The following NOMO1 variants were observed in gnomAD, a reference collection of about 807,000 sequenced individuals.
The protein encoded by NOMO1 is NODAL modulator 1.
In NOMO1, 40 loss-of-function variants were observed where a neutral mutation model predicts 133.8. That is an observed-to-expected ratio of 0.30 (90% CI 0.23 to 0.39). The LOEUF (loss-of-function observed/expected upper bound fraction) is 0.39. NOMO1 is among the 10% of genes least tolerant of loss of function. The pLI is 1.00. For missense variants in NOMO1, 462 were observed against 1,419.9 expected, an observed-to-expected ratio of 0.33 and a Z score of 10.84; for synonymous variants, 236 against 570.5, an observed-to-expected ratio of 0.41 and a Z score of 8.36.
intron 11 of NOMO1, among the ~76,000 whole-genome samples, chr16:14,859,147 G>T (rs963910657): frequency 1.3e-5 from 2 of 151,928 alleles, no homozygotes; most frequent in East Asian, 3.9e-4. Flanking sequence ...GCCCAGGGGG[G>T]ACCTAGGGAG....
intron 2 of NOMO1, among the ~76,000 whole-genome samples, chr16:14,840,598 A>C (rs1263517545): frequency 6.6e-6 from 1 of 150,786 alleles, no homozygotes. Context: ...AAAAAAAAAA[A>C]CTAAAACAAA....
chr16:14,857,062 G>A (rs531347562), intron 9 of NOMO1, among the ~76,000 whole-genome samples, 155 bp from the exon 10 acceptor site: 7 of 152,178 alleles, frequency 4.6e-5, no homozygotes, highest in Admixed American at 3.9e-4. Flanking sequence ...AAGTGAGAGG[G>A]AGCCTGGCTG....
At chr16:14,835,356 C>T (rs1346884867) in intron 1 of NOMO1, among the ~76,000 whole-genome samples, 1 of 151,254 alleles carries the variant, frequency 6.6e-6, no homozygotes, top group African/African-American at 2.5e-5. Context: ...TCTGGGTGCC[C>T]ATGCCACCGC....
At chr16:14,850,855 G>T (rs1298762970) in intron 6 of NOMO1, among the ~76,000 whole-genome samples, 1 of 151,754 alleles carries the variant, frequency 6.6e-6, no homozygotes, top group African/African-American at 2.4e-5. Flanking sequence ...GCTGAGGTGG[G>T]TGGATCACTT....
chr16:14,853,583 G>A lies in NOMO1; in HGVS notation c.852G>A (p.Leu284=), dbSNP rs771878596. The A allele has an allele frequency of 2.5e-6, 4 of 1,610,968 alleles. No homozygotes were observed. In the Admixed American group the frequency reaches 6.7e-5, roughly 27 times the overall value. Residue 284 remains leucine, a synonymous_variant, in exon 8 of 31, where the codon TTG becomes TTA. Coordinates refer to ENST00000287667, the MANE Select transcript of NOMO1 (RefSeq NM_014287.4). The part of the protein sequence containing the change: ...REDGSFSFYS[L]PSGGYTVIPF... ...ATGGCTCGTTCTCTTTCTATTCCTT[G>A]CCAAGTGGGGGCTACACTGTGGTGA...
At chr16:14,893,167 C>T (rs960318927) in intron 29 of NOMO1, among the ~76,000 whole-genome samples, 2 of 151,186 alleles carry the variant, frequency 1.3e-5, no homozygotes, top group African/African-American at 2.4e-5. Context: ...CACTCTAATT[C>T]CTGCTGAATT....
intron 30 of NOMO1, 90 bp downstream of exon 30, chr16:14,895,180 G>A: frequency 7.5e-7 from 1 of 1,328,722 alleles, no homozygotes; most frequent in East Asian, 2.6e-5. Flanking sequence ...GGGATGTCCA[G>A]GGTCACAGAA....
intron 2 of NOMO1, among the ~76,000 whole-genome samples, chr16:14,839,248 G>T (rs1178344153): frequency 1.3e-5 from 2 of 151,800 alleles, no homozygotes; most frequent in Non-Finnish European, 2.9e-5. Flanking sequence ...TAGTGACGGG[G>T]TTTTGCCATG....
At chr16:14,856,317 G>C (rs937358837) in intron 9 of NOMO1, among the ~76,000 whole-genome samples, 36 of 152,220 alleles carry the variant, frequency 2.4e-4, no homozygotes, top group Admixed American at 1.2e-3. Flanking sequence ...GAAAGCACCG[G>C]TGTGCTGCTC....
chr16:14,833,816 C>G lies in NOMO1; in HGVS notation c.-36C>G. The G allele has an allele frequency of 2.2e-6, 1 of 445,830 alleles. No homozygotes were observed. The highest frequency in any genetic ancestry group is 5.6e-5 in the South Asian group (1 of 17,868). The allele number at this position is 445,830 out of a possible 1,614,324, so 27.6% of individuals were successfully genotyped here. On this transcript the variant is annotated 5_prime_UTR_variant, in exon 1 of 31. Transcript: ENST00000287667. ...GTGCAGTGTGAGGGGCGGGACCCGG[C>G]TGCCGGCGGTGGGTCTAGCTGGGGG... is the stretch of plus-strand genomic sequence containing the variant.
chr16:14,846,917 G>C (rs559189580), intron 5 of NOMO1, among the ~76,000 whole-genome samples: 21 of 149,890 alleles, frequency 1.4e-4, no homozygotes, highest in Admixed American at 3.3e-4. Context: ...TACTGGCCAG[G>C]CATATTGGCT....
chr16:14,851,109 G>A (rs1394912367), intron 6 of NOMO1, among the ~76,000 whole-genome samples: 3 of 146,790 alleles, frequency 2.0e-5, no homozygotes, highest in African/African-American at 7.5e-5. Flanking sequence ...AAATTTATTC[G>A]AAATGAAAGA....
intron 3 of NOMO1, among the ~76,000 whole-genome samples, chr16:14,842,766 A>G (rs1963625033): frequency 6.6e-6 from 1 of 150,558 alleles, no homozygotes; most frequent in Non-Finnish European, 1.5e-5. Context: ...AACTTTATAC[A>G]AATGCTATCA....
At chr16:14,873,792 C>T (rs907030599) in intron 18 of NOMO1, among the ~76,000 whole-genome samples, 3 of 151,746 alleles carry the variant, frequency 2.0e-5, no homozygotes, top group African/African-American at 4.9e-5. Context: ...CTCGGATTCC[C>T]CCTGGGGATC....
At chr16:14,893,205 T>G (rs1262796431) in intron 29 of NOMO1, among the ~76,000 whole-genome samples, 1 of 151,786 alleles carries the variant, frequency 6.6e-6, no homozygotes. Flanking sequence ...TTCATTATTA[T>G]TTTTTTCTGA....
rs777599079 is a variant in NOMO1 at position 14,896,026 on chromosome 16, G to T, written c.*381G>T. ...ACGTGGTGTTTGGTTCCATGGCGGG[G>T]TACCCTAGGGATTCATCTGTTTTCT... On this transcript the variant is annotated 3_prime_UTR_variant, in exon 31 of 31. Transcript: ENST00000287667. 3 of 1,611,812 alleles carry T rather than the reference G, an allele frequency of 1.9e-6. No homozygotes were observed. In the African/African-American group the frequency reaches 4.0e-5, roughly 22 times the overall value.
chr16:14,845,961 G>A (rs1193095249), intron 4 of NOMO1, among the ~76,000 whole-genome samples: 1 of 150,456 alleles, frequency 6.6e-6, no homozygotes, highest in South Asian at 2.1e-4. Flanking sequence ...CCAGTAGCTG[G>A]GATTACAGGC....
Position 14,895,567 on chromosome 16 carries a change from C to A in NOMO1, c.3591C>A (p.Leu1197=). 6.2e-7 allele frequency: 1 copy of A among 1,612,022 alleles called. No homozygotes were observed. The highest frequency in any genetic ancestry group is 1.7e-5 in the Admixed American group (1 of 60,024). ...LTSRLQGVRA[L]GQAASDNSGP... is the part of the protein sequence containing the mutation. The stretch of plus-strand genomic sequence containing the variant: ...GCCGGCTACAGGGAGTCCGCGCGCT[C>A]GGCCAGGCAGCCTCTGACAATAGCG... The change falls in exon 31 of 31, where the codon CTC becomes CTA. Residue 1197 remains leucine, a synonymous_variant. Coordinates refer to ENST00000287667, the MANE Select transcript of NOMO1 (RefSeq NM_014287.4).
chr16:14,891,550 A>T (rs1418490997), intron 29 of NOMO1, among the ~76,000 whole-genome samples: 1 of 151,468 alleles, frequency 6.6e-6, no homozygotes, highest in East Asian at 1.9e-4. Flanking sequence ...GCAGACTTTT[A>T]TAGTTTCTGT....
Sources: allele counts gnomAD v4.1 joint callset (sites outside exome capture counted in the v4.1 genomes callset), GRCh38; gene constraint gnomAD v4.1.1; transcripts MANE v1.5; gene names NCBI Gene and HGNC (gene_info 2026-07-23, HGNC 2026-07-21).